MCM3: variants seen among roughly 807,000 people sequenced by gnomAD.
MCM3 encodes the protein minichromosome maintenance complex component 3.
A neutral mutation model predicts 91.3 loss-of-function variants in MCM3; 59 were observed. The ratio of observed to expected loss-of-function variants is 0.65; its 90% CI spans 0.52 to 0.80. The LOEUF (loss-of-function observed/expected upper bound fraction) is 0.80, where lower values mean the gene tolerates loss of function less well. Ranked by LOEUF, MCM3 falls within the 30% of genes least tolerant of loss-of-function variation. The pLI, the probability that MCM3 is intolerant of heterozygous loss-of-function variation, is 0.00. For missense variants in MCM3, 919 were observed against 1,035.4 expected, an observed-to-expected ratio of 0.89 and a Z score of 1.54; for synonymous variants, 383 against 379.6, an observed-to-expected ratio of 1.01 and a Z score of -0.10.
chr6:52,279,456 C>G lies in MCM3; in HGVS notation c.675G>C (p.Leu225Phe), dbSNP rs375198508. 4.3e-5 allele frequency: 69 copies of G among 1,614,030 alleles called. No individual in the cohort carries two copies. Among genetic ancestry groups the G allele is most frequent in the Non-Finnish European group, 5.0e-5 (59 of 1,180,040 alleles). ...RSVDVILDDDLVDKAKPGDRV... is the reference protein window; with the variant it reads ...RSVDVILDDDFVDKAKPGDRV... ...GGTCACCAGGCTTCGCTTTATCCAC[C>G]AAGTCATCATCCAGAATGACGTCCA... Residue 225 changes from leucine (L) to phenylalanine (F), a missense_variant, in exon 5 of 17, where the codon TTG (leucine) becomes TTC (phenylalanine). Leu to Phe is a conservative substitution (Grantham distance 22). Transcript: ENST00000596288.
chr6:52,283,574 C>G (rs570190653), intron 1 of MCM3, among the ~76,000 whole-genome samples, 168 bp from the exon 2 acceptor site: 1 of 152,162 alleles, frequency 6.6e-6, no homozygotes, highest in African/African-American at 2.4e-5. Context: ...TTTTTAGATT[C>G]GAAATAACAC....
chr6:52,276,041 G>A (rs1342514949), intron 9 of MCM3: 1 of 542,492 alleles, frequency 1.8e-6, no homozygotes, highest in Admixed American at 3.3e-5. Context: ...CTGTTTAACT[G>A]TACTGTTAAA....
rs560608396 is a variant in MCM3, at chr6:52,283,178, G to T, written c.191+116C>A. 52 of 817,576 alleles carry T rather than the reference G, an allele frequency of 6.4e-5. No homozygotes were observed. In the African/African-American group the frequency reaches 8.0e-4, roughly 13 times the overall value. The allele number at this position is 817,576 out of a possible 1,614,324, so 50.6% of individuals were successfully genotyped here. ...AAAAATAGGTGCAGGTGAGCTACGA[G>T]GGCTTGTAGATCAATCCTGTTTCAT... On this transcript the variant is annotated intron_variant, in intron 2 of 16. Coordinates refer to ENST00000596288, the MANE Select transcript of MCM3 (RefSeq NM_002388.6).
intron 10 of MCM3, 118 bp downstream of exon 10, chr6:52,273,624 G>T: frequency 9.4e-7 from 1 of 1,059,080 alleles, no homozygotes; most frequent in Non-Finnish European, 1.4e-6. Flanking sequence ...AACAGTTGAG[G>T]GCTCTTCAAC....
intron 14 of MCM3, among the ~76,000 whole-genome samples, chr6:52,267,403 G>C (rs917372511): frequency 6.6e-6 from 1 of 151,204 alleles, no homozygotes; most frequent in Non-Finnish European, 1.5e-5. Flanking sequence ...GCCTACCCAG[G>C]TTATCTTCAT....
chr6:52,276,594 T>C, intron 8 of MCM3, 118 bp from the exon 9 acceptor site: 1 of 857,158 alleles, frequency 1.2e-6, no homozygotes, highest in Non-Finnish European at 1.8e-6. Context: ...GCGGCAATGG[T>C]GTGTTGGCTC....
chr6:52,273,589 A>T (rs1365607642), intron 10 of MCM3, among the ~76,000 whole-genome samples, 153 bp downstream of exon 10: 1 of 152,226 alleles, frequency 6.6e-6, no homozygotes, highest in Non-Finnish European at 1.5e-5. Context: ...GATACCCTCC[A>T]CTAAGCAAGA....
At position 52,264,726 on chromosome 6, in the gene MCM3, G is replaced by C. The variant is rs111523955; in HGVS notation, c.2289C>G (p.Ile763Met). 1.2e-6 allele frequency: 2 copies of C among 1,614,120 alleles called. No homozygotes were observed. Among genetic ancestry groups the C allele is most frequent in the East Asian group, 2.2e-5 (1 of 44,876 alleles). ...TGGATTCTGTGAGGCGATTCATGCCGATTGACTGCGCATGAGCTTCCCGGA... is the reference window on the plus strand; with the variant it reads ...TGGATTCTGTGAGGCGATTCATGCCCATTGACTGCGCATGAGCTTCCCGGA... ...DVFREAHAQS[I>M]GMNRLTESIN... Residue 763 changes from isoleucine to methionine, a missense_variant, in exon 17 of 17, where the codon ATC (isoleucine) becomes ATG (methionine). By Grantham distance (10) the Ile-to-Met change is conservative (BLOSUM62 1). Coordinates refer to ENST00000596288, the MANE Select transcript of MCM3 (RefSeq NM_002388.6).
chr6:52,278,943 C>A (rs939753271), intron 5 of MCM3, 93 bp from the exon 6 acceptor site: 1 of 767,874 alleles, frequency 1.3e-6, no homozygotes, highest in Non-Finnish European at 2.1e-6. Context: ...TTTTAGGCTG[C>A]CAAACTAGAC....
In MCM3 at chr6:52,279,344, T is replaced by C. The variant is rs1200259354; in HGVS notation, c.770+17A>G. 1 of 1,599,902 alleles carries C rather than the reference T, an allele frequency of 6.3e-7. No individual in the cohort carries two copies. Among genetic ancestry groups the C allele is most frequent in the Admixed American group, 1.7e-5 (1 of 59,876 alleles). ...GCTGTCAACAGCATTCCATATACTT[T>C]AAGGCAGACCCTTTACCTGAAGGTC... On this transcript the variant is annotated intron_variant, in intron 5 of 16. Coordinates refer to ENST00000596288, the MANE Select transcript of MCM3 (RefSeq NM_002388.6).
intron 4 of MCM3, 35 bp downstream of exon 4, chr6:52,282,010 C>T (rs1246147285): frequency 6.2e-7 from 1 of 1,603,320 alleles, no homozygotes. Flanking sequence ...TTGATTCCAA[C>T]CTCCAAGACA....
At position 52,264,797 on chromosome 6, in the gene MCM3, C is replaced by G. The variant is rs1231132842; in HGVS notation, c.2229-11G>C. On this transcript the variant is annotated splice_polypyrimidine_tract_variant and intron_variant, in intron 16 of 16. Coordinates refer to ENST00000596288, the MANE Select transcript of MCM3 (RefSeq NM_002388.6). ...TTGAATGCCTTCAACCTGCCCCAGA[C>G]AGAAGAAAGGGGGAAGAGGAGTAAA... The G allele has an allele frequency of 3.1e-6, 5 of 1,613,048 alleles. No homozygotes were observed. Among genetic ancestry groups the G allele is most frequent in the South Asian group, 1.1e-5 (1 of 91,028 alleles).
In MCM3 at chr6:52,267,096, C is replaced by CTTTTTTTTTTTTTT. The variant is rs70977337; in HGVS notation, c.2073-414_2073-401dup. Among the ~76,000 whole-genome samples, 258 of 111,542 alleles carry CTTTTTTTTTTTTTT rather than the reference C, an allele frequency of 2.3e-3. 18 individuals are homozygous for CTTTTTTTTTTTTTT. Among genetic ancestry groups the CTTTTTTTTTTTTTT allele is most frequent in the African/African-American group, 7.7e-3 (228 of 29,690 alleles). 73.2% of individuals were successfully genotyped at this position (111,542 alleles called of 152,430 possible). On this transcript the variant is annotated intron_variant, in intron 14 of 16. Transcript: ENST00000596288. ...CCTTCTCTTTTACCCAGGGTATCTT[C>CTTTTTTTTTTTTTT]TTTTTTTTTTTTTTTTGAGACGGAC...
At chr6:52,268,114 C>A in intron 13 of MCM3, 146 bp from the exon 14 acceptor site, 2 of 1,074,118 alleles carry the variant, frequency 1.9e-6, no homozygotes, top group Admixed American at 2.0e-5. Flanking sequence ...CCCTAAGTCC[C>A]AGGACCAGGG....
Position 52,283,156 on chromosome 6 carries a change from A to G in MCM3, c.191+138T>C. On this transcript the variant is annotated intron_variant, in intron 2 of 16. Coordinates refer to ENST00000596288, the MANE Select transcript of MCM3 (RefSeq NM_002388.6). The stretch of plus-strand genomic sequence containing the variant: ...ACTTTTTGAAAAAAAAAAAAAAAAA[A>G]ATAGGTGCAGGTGAGCTACGAGGGC... 4 of 536,542 alleles carry G rather than the reference A, an allele frequency of 7.5e-6. 1 individual carries two copies. Among genetic ancestry groups the G allele is most frequent in the Non-Finnish European group, 1.3e-5 (4 of 317,610 alleles). 33.2% of individuals were successfully genotyped at this position (536,542 alleles called of 1,614,324 possible).
chr6:52,276,355 A>G lies in MCM3; in HGVS notation c.1287T>C (p.Gly429=), dbSNP rs763769380. Residue 429 remains glycine, a synonymous_variant, in exon 9 of 17, where the codon GGT becomes GGC. Coordinates refer to ENST00000596288, the MANE Select transcript of MCM3 (RefSeq NM_002388.6). ...RTAIHEVMEQ[G]RVTIAKAGIH... ...TGCCAGCCTTGGCAATGGTCACTCG[A>G]CCCTGCTCCATCACTTCATGGATGG... is the stretch of plus-strand genomic sequence containing the variant. 2 of 1,613,824 alleles carry G rather than the reference A, an allele frequency of 1.2e-6. No individual in the cohort carries two copies. Among genetic ancestry groups the G allele is most frequent in the East Asian group, 2.2e-5 (1 of 44,900 alleles).
intron 5 of MCM3, 104 bp from the exon 6 acceptor site, chr6:52,278,954 C>A: frequency 1.4e-6 from 1 of 714,976 alleles, no homozygotes; most frequent in Non-Finnish European, 2.3e-6. Context: ...CAAACTAGAC[C>A]AGCCAATTAG....
chr6:52,269,031 T>C lies in MCM3; in HGVS notation c.1968+55A>G, dbSNP rs1713524898. 4 of 1,548,990 alleles carry C rather than the reference T, an allele frequency of 2.6e-6. No individual in the cohort carries two copies. In the South Asian group the frequency reaches 4.8e-5, roughly 19 times the overall value. On this transcript the variant is annotated intron_variant, in intron 13 of 16. Coordinates refer to ENST00000596288, the MANE Select transcript of MCM3 (RefSeq NM_002388.6). ...CAGCCACGGAAGGCTGGGAAGCCCATGCATCTGTAATATATCCAGGAGATC... is the reference window on the plus strand; with the variant it reads ...CAGCCACGGAAGGCTGGGAAGCCCACGCATCTGTAATATATCCAGGAGATC...
chr6:52,276,180 T>C, intron 9 of MCM3, 88 bp downstream of exon 9: 2 of 1,227,404 alleles, frequency 1.6e-6, no homozygotes, highest in Non-Finnish European at 2.3e-6. Context: ...ATTATTCCCC[T>C]GGGTCACCTA....
Sources: allele counts gnomAD v4.1 joint callset (sites outside exome capture counted in the v4.1 genomes callset), GRCh38; gene constraint gnomAD v4.1.1; transcripts MANE v1.5; gene names NCBI Gene and HGNC (gene_info 2026-07-23, HGNC 2026-07-21).